The following ELFN1 variants were observed in gnomAD, a reference collection of about 807,000 sequenced individuals.
The protein encoded by ELFN1 is extracellular leucine rich repeat and fibronectin type III domain containing 1.
A neutral mutation model predicts 7.6 loss-of-function variants in ELFN1; 6 were observed. The observed-to-expected ratio is 0.79, with a 90% CI of 0.43 to 1.56. The LOEUF (loss-of-function observed/expected upper bound fraction) is 1.56, where lower values mean the gene tolerates loss of function less well. Among genes scored for constraint, ELFN1 ranks in the 40% most tolerant of loss-of-function variants. ELFN1 has a pLI of 0.01. For synonymous variants in ELFN1, 657 were observed against 588.1 expected (o/e 1.12, Z -1.70); for missense variants, 1,169 against 1,232.2 (o/e 0.95, Z 0.77).
Position 1,695,697 on chromosome 7 carries a change from G to C in ELFN1, c.-456+7547G>C, listed in dbSNP as rs969032086. On this transcript the variant is annotated intron_variant, in intron 2 of 3. Coordinates refer to ENST00000424383, the MANE Select transcript of ELFN1 (RefSeq NM_001128636.4). The surrounding 1 kb of genome is among the most constrained non-coding windows in gnomAD (Gnocchi z 5.1). ...CAGGAGGTGGAGGTTGCAGTGAGCC[G>C]AGATCGCGCCACTGCACTGCAGCCT... Among the ~76,000 whole-genome samples, 2 of 139,260 alleles carry C rather than the reference G, an allele frequency of 1.4e-5. No individual in the cohort carries two copies. The highest frequency in any genetic ancestry group is 1.6e-4 in the Admixed American group (2 of 12,734). The allele number at this position is 139,260 out of a possible 152,430, so 91.4% of individuals were successfully genotyped here. A position where few individuals can be genotyped will look rare whatever the true frequency, so the allele number is the denominator to read the frequency against.
rs1780428099 is a variant in ELFN1 at position 1,735,883 on chromosome 7, G to A, written c.-293-8421G>A. Among the ~76,000 whole-genome samples the A allele has an allele frequency of 6.6e-6, 1 of 152,148 alleles. No individual in the cohort carries two copies. Among genetic ancestry groups the A allele is most frequent in the Non-Finnish European group, 1.5e-5 (1 of 68,014 alleles). On this transcript the variant is annotated intron_variant, in intron 3 of 3. Transcript: ENST00000424383. The surrounding 1 kb of genome is among the most constrained non-coding windows in gnomAD (Gnocchi z 5.9). ...ACCACAACCCTGGGAGGCGGACACCGTGATGATCTCTGTTTGACAGATGAG... is the reference window on the plus strand; with the variant it reads ...ACCACAACCCTGGGAGGCGGACACCATGATGATCTCTGTTTGACAGATGAG...
At chr7:1,694,913 A>G (rs1312133013) in intron 2 of ELFN1, among the ~76,000 whole-genome samples, 2 of 152,222 alleles carry the variant, frequency 1.3e-5, no homozygotes, top group Non-Finnish European at 2.9e-5. Flanking sequence ...TGTTCCACAG[A>G]AGTGGGGGAC....
intron 2 of ELFN1, among the ~76,000 whole-genome samples, chr7:1,701,078 C>CGT (rs138718131): frequency 1.3e-5 from 2 of 151,210 alleles, no homozygotes; most frequent in African/African-American, 4.9e-5. Context: ...TGTATGTGTG[C>CGT]GTGTGTGTGT....
At chr7:1,736,041 A>C (rs1033585223) in intron 3 of ELFN1, among the ~76,000 whole-genome samples, 2 of 151,930 alleles carry the variant, frequency 1.3e-5, no homozygotes, top group African/African-American at 4.8e-5. Flanking sequence ...CGGGCCCCCC[A>C]CCTGCTCCTA....
chr7:1,676,736 G>A lies in ELFN1; in HGVS notation c.-549+6382G>A, dbSNP rs191572192. Among the ~76,000 whole-genome samples the A allele has an allele frequency of 4.6e-5, 7 of 152,342 alleles. No homozygotes were observed. The East Asian group carries it at 7.7e-4, about 17-fold the overall frequency. ...TGGCCCCGCAGCCGAGACACGCTTC[G>A]TGTGGGTGAAGGGCAAGGCCAGTGC... On this transcript the variant is annotated intron_variant, in intron 1 of 3. Coordinates refer to ENST00000424383, the MANE Select transcript of ELFN1 (RefSeq NM_001128636.4).
At chr7:1,668,666 C>A (rs940375423), upstream of ELFN1, among the ~76,000 whole-genome samples, 15 of 152,202 alleles carry the variant, frequency 9.9e-5, no homozygotes, top group Non-Finnish European at 1.5e-4. Context: ...GGAGAGGGTG[C>A]CCCGCTCACC....
At chr7:1,671,994 C>T (rs918172502) in intron 1 of ELFN1, among the ~76,000 whole-genome samples, 2 of 152,196 alleles carry the variant, frequency 1.3e-5, no homozygotes, top group African/African-American at 4.8e-5. Context: ...TGGGGGTCTC[C>T]AAGTCAGAGA....
chr7:1,693,604 C>T (rs781402025), intron 2 of ELFN1: 11 of 471,088 alleles, frequency 2.3e-5, no homozygotes, highest in South Asian at 3.1e-5. Context: ...CGGTGTACAC[C>T]GCTGTGTGAA....
chr7:1,668,774 T>C (rs1032429276), upstream of ELFN1, among the ~76,000 whole-genome samples: 1 of 152,266 alleles, frequency 6.6e-6, no homozygotes, highest in Non-Finnish European at 1.5e-5. Context: ...GCGGCCTGGC[T>C]CTGACCGTGG....
rs1392588302 is a variant in ELFN1 at position 1,740,509 on chromosome 7, G to T, written c.-293-3795G>T. ...GCAGGTGTGAGTGCGGATCAGCGAGGGCACAGGCTGGCGGGGCATCGAGAG... is the reference window on the plus strand; with the variant it reads ...GCAGGTGTGAGTGCGGATCAGCGAGTGCACAGGCTGGCGGGGCATCGAGAG... On this transcript the variant is annotated intron_variant, in intron 3 of 3. Coordinates refer to ENST00000424383, the MANE Select transcript of ELFN1 (RefSeq NM_001128636.4). This position sits in a 1 kb window ranked among gnomAD's most constrained non-coding sequence, Gnocchi z 5.0. Among the ~76,000 whole-genome samples, 2 of 152,208 alleles carry T rather than the reference G, an allele frequency of 1.3e-5. No homozygotes were observed. Among genetic ancestry groups the T allele is most frequent in the Non-Finnish European group, 2.9e-5 (2 of 68,032 alleles).
In ELFN1 at chr7:1,735,889, ATC is replaced by A. The variant is rs1780428163; in HGVS notation, c.-293-8411_-293-8410del. 6.6e-6 allele frequency among the ~76,000 whole-genome samples: 1 copy of A among 152,086 alleles called. No homozygotes were observed. The highest frequency in any genetic ancestry group is 2.1e-4 in the South Asian group (1 of 4,820). ...ACCCTGGGAGGCGGACACCGTGATGATCTCTGTTTGACAGATGAGGGGACTGA... is the reference window on the plus strand; with the variant it reads ...ACCCTGGGAGGCGGACACCGTGATGATCTGTTTGACAGATGAGGGGACTGA... On this transcript the variant is annotated intron_variant, in intron 3 of 3. Coordinates refer to ENST00000424383, the MANE Select transcript of ELFN1 (RefSeq NM_001128636.4). The surrounding 1 kb of genome is among the most constrained non-coding windows in gnomAD (Gnocchi z 5.9).
At chr7:1,678,941 C>G (rs943643381) in intron 1 of ELFN1, among the ~76,000 whole-genome samples, 1 of 152,194 alleles carries the variant, frequency 6.6e-6, no homozygotes, top group African/African-American at 2.4e-5. Flanking sequence ...AGGGGCTGGC[C>G]TGTGCTCCCA....
In ELFN1 at chr7:1,746,823, C is replaced by A; in HGVS notation, c.2227C>A (p.Pro743Thr). ...GTCCATCCTGGAGCCACTCACCCGG[C>A]CGCGGCCCCGCGACCTCGCCTACTC... ...KASILEPLTR[P>T]RPRDLAYSQL... Residue 743 changes from proline to threonine, a missense_variant, in exon 4 of 4, where the codon CCG becomes ACG. Pro to Thr is a conservative substitution (Grantham distance 38, BLOSUM62 -1). Transcript: ENST00000424383. 1 of 1,534,752 alleles carries A rather than the reference C, an allele frequency of 6.5e-7. No homozygotes were observed. The highest frequency in any genetic ancestry group is 1.7e-4 in the Middle Eastern group (1 of 5,968).
At chr7:1,690,946 T>C (rs1385467232) in intron 2 of ELFN1, among the ~76,000 whole-genome samples, 1 of 151,976 alleles carries the variant, frequency 6.6e-6, no homozygotes, top group Non-Finnish European at 1.5e-5. Context: ...AAGTAGATAA[T>C]GAATGAGTGG....
intron 3 of ELFN1, among the ~76,000 whole-genome samples, chr7:1,726,057 A>G (rs1384427659): frequency 2.0e-5 from 3 of 151,672 alleles, no homozygotes; most frequent in Non-Finnish European, 2.9e-5. Context: ...CTCACACACA[A>G]TACACACACA....
chr7:1,719,895 C>T (rs975205568), intron 3 of ELFN1, among the ~76,000 whole-genome samples: 3 of 150,800 alleles, frequency 2.0e-5, no homozygotes, highest in African/African-American at 7.3e-5. Context: ...GCCTCCCCCA[C>T]CATCACCTCT....
intron 2 of ELFN1, among the ~76,000 whole-genome samples, chr7:1,689,375 T>C (rs1342849611): frequency 6.6e-6 from 1 of 152,168 alleles, no homozygotes; most frequent in African/African-American, 2.4e-5. Context: ...AGAGCTCAGA[T>C]GGATAAGTGA....
At position 1,708,891 on chromosome 7, in the gene ELFN1, G is replaced by T. The variant is rs536981166; in HGVS notation, c.-455-200G>T. On this transcript the variant is annotated intron_variant, in intron 2 of 3. Coordinates refer to ENST00000424383, the MANE Select transcript of ELFN1 (RefSeq NM_001128636.4). ...CTCCCCTCTATCCCGGCTGGCACAT[G>T]GCTCTGTGTGTCAGCCTGCTCTGTG... is the stretch of plus-strand genomic sequence containing the variant. 2.0e-5 allele frequency among the ~76,000 whole-genome samples: 3 copies of T among 152,306 alleles called. No individual in the cohort carries two copies. The South Asian group carries it at 6.2e-4, about 32-fold the overall frequency.
intron 3 of ELFN1, among the ~76,000 whole-genome samples, chr7:1,719,977 C>A (rs1472291832): frequency 6.6e-6 from 1 of 150,610 alleles, no homozygotes; most frequent in South Asian, 2.1e-4. Flanking sequence ...GGGCCTCCCC[C>A]ACCATCACCT....
Sources: gnomAD v4.1 joint callset for allele counts (sites outside exome capture counted in the v4.1 genomes callset) on GRCh38, gnomAD v4.1.1 for gene constraint, Gnocchi (gnomAD v3.1) non-coding constraint, MANE v1.5 for transcripts, NCBI Gene and HGNC (gene_info 2026-07-23, HGNC 2026-07-21) for gene names.